Variants in PCDHA7 observed in about 807,000 individuals in gnomAD.
PCDHA7 encodes protocadherin alpha-7.
Under a neutral mutation model 57.2 loss-of-function variants are expected in PCDHA7, and 37 were observed. The observed-to-expected ratio is 0.65, with a 90% confidence interval of 0.50 to 0.85. PCDHA7 has a LOEUF of 0.85. Among genes scored for constraint, PCDHA7 ranks in the 40% least tolerant of loss-of-function variants. The pLI, the probability that PCDHA7 is intolerant of heterozygous loss-of-function variation, is 0.00. For synonymous variants in PCDHA7, 553 were observed against 558.8 expected (o/e 0.99, Z 0.15); for missense variants, 1,188 against 1,241.8 (o/e 0.96, Z 0.65).
chr5:140,835,934 G>T lies in PCDHA7; in HGVS notation c.1551G>T (p.Val517=). The T allele has an allele frequency of 6.2e-7, 1 of 1,612,552 alleles. No individual in the cohort carries two copies. Among genetic ancestry groups the T allele is most frequent in the South Asian group, 1.1e-5 (1 of 91,032 alleles). Residue 517 remains valine, a synonymous_variant, in exon 1 of 4, where the codon GTG becomes GTT. Transcript: ENST00000525929. ...YVSVHAESGK[V]YALQPLDHEE... The stretch of plus-strand genomic sequence containing the variant: ...CAGTGCACGCGGAGAGCGGCAAGGT[G>T]TACGCGCTGCAGCCGTTGGACCACG...
chr5:140,904,170 A>T (rs2070892349), intron 1 of PCDHA7, among the ~76,000 whole-genome samples: 1 of 151,964 alleles, frequency 6.6e-6, no homozygotes. Context: ...GTAGTCTTTT[A>T]TTCCTCACCC....
chr5:140,855,103 T>C lies in PCDHA7; in HGVS notation c.2355+18365T>C. Among the ~76,000 whole-genome samples, 2 of 149,938 alleles carry C rather than the reference T, an allele frequency of 1.3e-5. 1 individual carries two copies. The highest frequency in any genetic ancestry group is 3.0e-5 in the Non-Finnish European group (2 of 67,096). On this transcript the variant is annotated intron_variant, in intron 1 of 3. Coordinates refer to ENST00000525929, the MANE Select transcript of PCDHA7 (RefSeq NM_018910.3). ...CCACTCTCAGCCTGTGCAGTAGCAA[T>C]AATTAAGGCATTCTATAGGTAATAA... is the stretch of plus-strand genomic sequence containing the variant.
chr5:140,871,438 C>T, intron 1 of PCDHA7: 1 of 1,611,836 alleles, frequency 6.2e-7, no homozygotes. Context: ...TCCTCTAGGT[C>T]TGAATAAAGA....
chr5:140,848,400 G>T, intron 1 of PCDHA7: 1 of 1,298,514 alleles, frequency 7.7e-7, no homozygotes. Context: ...TGTGCTGAAC[G>T]ATGGCGAACA....
At chr5:140,983,473 ATAG>A (rs746174585) in intron 3 of PCDHA7, among the ~76,000 whole-genome samples, 7 of 152,242 alleles carry the variant, frequency 4.6e-5, no homozygotes, top group Admixed American at 6.5e-5. Flanking sequence ...CATGATGATA[ATAG>A]TAGTTACTAA....
intron 1 of PCDHA7, among the ~76,000 whole-genome samples, chr5:140,892,561 A>G (rs766284976): frequency 1.3e-5 from 2 of 152,156 alleles, no homozygotes; most frequent in Non-Finnish European, 2.9e-5. Context: ...GTCCTTGGAG[A>G]CTGTCAAAAG....
intron 3 of PCDHA7, among the ~76,000 whole-genome samples, 189 bp from the exon 4 acceptor site, chr5:141,009,438 T>C (rs1024999058): frequency 6.6e-6 from 1 of 152,190 alleles, no homozygotes; most frequent in African/African-American, 2.4e-5. Context: ...AGGGAAATCC[T>C]GTCTCAAAAA....
intron 1 of PCDHA7, chr5:140,843,463 G>A: frequency 1.9e-6 from 3 of 1,596,032 alleles, no homozygotes; most frequent in Non-Finnish European, 2.6e-6. Flanking sequence ...TGGTGCTCAC[G>A]CTGCTGCTGT....
At chr5:140,954,948 G>A (rs1163066790) in intron 1 of PCDHA7, among the ~76,000 whole-genome samples, 2 of 152,204 alleles carry the variant, frequency 1.3e-5, no homozygotes, top group Non-Finnish European at 1.5e-5. Flanking sequence ...GTTAATTTTT[G>A]TATAAGATGT....
At chr5:140,982,273 A>G (rs1554243953) in intron 2 of PCDHA7, 2 of 943,086 alleles carry the variant, frequency 2.1e-6, no homozygotes, top group Non-Finnish European at 3.0e-6. Context: ...CTGGAATAGT[A>G]TAGCAGGCAA....
At chr5:140,895,250 T>G (rs2153449407) in intron 1 of PCDHA7, among the ~76,000 whole-genome samples, 1 of 152,318 alleles carries the variant, frequency 6.6e-6, no homozygotes, top group African/African-American at 2.4e-5. Flanking sequence ...TTTTCAAAGC[T>G]TTCTTTTTTT....
At chr5:140,948,764 G>T (rs962710607) in intron 1 of PCDHA7, among the ~76,000 whole-genome samples, 1 of 150,728 alleles carries the variant, frequency 6.6e-6, no homozygotes, top group African/African-American at 2.4e-5. Flanking sequence ...GATTTTTTTC[G>T]AATAGCCAGC....
At chr5:140,926,974 G>C (rs145276602) in intron 1 of PCDHA7, 2 of 1,610,140 alleles carry the variant, frequency 1.2e-6, no homozygotes, top group East Asian at 2.2e-5. Context: ...CTCAGTGCCG[G>C]AGGAGACGGA....
chr5:140,898,275 T>C (rs13181478), intron 1 of PCDHA7, among the ~76,000 whole-genome samples: 1 of 152,166 alleles, frequency 6.6e-6, no homozygotes, highest in Non-Finnish European at 1.5e-5. Context: ...ATGCCTAAGT[T>C]CTGAATGGTA....
At chr5:140,869,134 A>T (rs781973798) in intron 1 of PCDHA7, 3 of 1,612,182 alleles carry the variant, frequency 1.9e-6, no homozygotes, top group Non-Finnish European at 2.5e-6. Context: ...GGGATTGGGC[A>T]CCCCACGACT....
intron 1 of PCDHA7, among the ~76,000 whole-genome samples, chr5:140,972,656 C>T (rs1428322208): frequency 6.9e-6 from 1 of 144,688 alleles, no homozygotes; most frequent in Non-Finnish European, 1.5e-5. Context: ...TAAAAAGAAA[C>T]CAAATTTTTT....
intron 1 of PCDHA7, among the ~76,000 whole-genome samples, chr5:140,961,952 C>T (rs2095645754): frequency 6.6e-6 from 1 of 151,264 alleles, no homozygotes; most frequent in South Asian, 2.1e-4. Flanking sequence ...GGCATGATCT[C>T]GGCTCACTGC....
At position 140,960,310 on chromosome 5, in the gene PCDHA7, C is replaced by A. The variant is rs143765051; in HGVS notation, c.2356-18639C>A. Among the ~76,000 whole-genome samples, 659 of 152,264 alleles carry A rather than the reference C, an allele frequency of 4.3e-3. 9 individuals are homozygous for A. Among genetic ancestry groups the A allele is most frequent in the Admixed American group, 4.1e-3 (63 of 15,288 alleles). ...CCAGTTTCTTCATCAATACCAACCTCATTAGGGTCCTGTGAGAAGTACATG... is the reference window on the plus strand; with the variant it reads ...CCAGTTTCTTCATCAATACCAACCTAATTAGGGTCCTGTGAGAAGTACATG... On this transcript the variant is annotated intron_variant, in intron 1 of 3. Transcript: ENST00000525929.
rs782058694 is a variant in PCDHA7 at position 140,883,215 on chromosome 5, A to G, written c.2355+46477A>G. On this transcript the variant is annotated intron_variant, in intron 1 of 3. Coordinates refer to ENST00000525929, the MANE Select transcript of PCDHA7 (RefSeq NM_018910.3). ...CTAGATTTCGAAGAAAAGAAATTAT[A>G]TGAAATATCCGTGGAGGCAGTTGAC... 2.5e-6 allele frequency: 4 copies of G among 1,613,954 alleles called. No individual in the cohort carries two copies. Among genetic ancestry groups the G allele is most frequent in the Non-Finnish European group, 3.4e-6 (4 of 1,180,034 alleles).
Sources: allele counts gnomAD v4.1 joint callset (sites outside exome capture counted in the v4.1 genomes callset), GRCh38; gene constraint gnomAD v4.1.1; transcripts MANE v1.5; gene names NCBI Gene and HGNC (gene_info 2026-07-23, HGNC 2026-07-21).